The following CAMTA1 variants were observed in gnomAD, a reference collection of about 807,000 sequenced individuals.
CAMTA1 encodes calmodulin-binding transcription activator 1.
Under a neutral mutation model 170.9 loss-of-function variants are expected in CAMTA1, and 27 were observed. That is an observed-to-expected ratio of 0.16 (90% CI 0.12 to 0.22). The LOEUF is 0.22. Among genes scored for constraint, CAMTA1 ranks in the 10% least tolerant of loss-of-function variants. The pLI is 1.00. For synonymous variants in CAMTA1, 833 were observed against 891.5 expected (o/e 0.93, Z 1.17); for missense variants, 1,619 against 2,217.2 (o/e 0.73, Z 5.42).
chr1:7,590,018 G>T (rs1056527561), intron 6 of CAMTA1, among the ~76,000 whole-genome samples: 2 of 152,166 alleles, frequency 1.3e-5, no homozygotes, highest in African/African-American at 2.4e-5. Flanking sequence ...TGGTACGATC[G>T]CATGGAGCTT....
intron 5 of CAMTA1, among the ~76,000 whole-genome samples, chr1:7,398,793 A>C (rs1463009799): frequency 1.3e-5 from 2 of 150,028 alleles, no homozygotes; most frequent in Admixed American, 1.3e-4. Flanking sequence ...TCTCTTTTTC[A>C]TTTGTGTATC....
intron 11 of CAMTA1, among the ~76,000 whole-genome samples, chr1:7,713,589 C>T (rs1196169634): frequency 6.6e-6 from 1 of 152,184 alleles, no homozygotes; most frequent in East Asian, 1.9e-4. Context: ...CCTAGTATTT[C>T]CAAAACATCT....
intron 3 of CAMTA1, among the ~76,000 whole-genome samples, chr1:7,004,367 T>C (rs1238626216): frequency 6.6e-6 from 1 of 152,198 alleles, no homozygotes; most frequent in Admixed American, 6.5e-5. Context: ...GAAAGTGGGT[T>C]ATGAAGAGGA....
At position 7,471,508 on chromosome 1, in the gene CAMTA1, G is replaced by T. The variant is rs1285411247; in HGVS notation, c.510+3607G>T. On this transcript the variant is annotated intron_variant, in intron 6 of 22. Transcript: ENST00000303635. ...GGTGGCACCCATCCTCAGCATTGCT[G>T]GGGGCTCTGTGTCACAGCTGACAGG... 3.3e-5 allele frequency among the ~76,000 whole-genome samples: 5 copies of T among 152,238 alleles called. 1 individual carries two copies. In the South Asian group the frequency reaches 1.0e-3, roughly 32 times the overall value.
rs1679933928 is a variant in CAMTA1, at chr1:6,912,473, G to A, written c.234+87263G>A. On this transcript the variant is annotated intron_variant, in intron 3 of 22. Coordinates refer to ENST00000303635, the MANE Select transcript of CAMTA1 (RefSeq NM_015215.4). ...CTCCTGGGGACCACTCTATCCTCTG[G>A]ATTTTAGTCTGTCTTTACATAAAGA... Among the ~76,000 whole-genome samples, 5 of 152,312 alleles carry A rather than the reference G, an allele frequency of 3.3e-5. No individual in the cohort carries two copies. The South Asian group carries it at 1.0e-3, about 32-fold the overall frequency.
intron 3 of CAMTA1, among the ~76,000 whole-genome samples, chr1:7,087,625 G>A (rs1640918813): frequency 6.6e-6 from 1 of 152,186 alleles, no homozygotes; most frequent in African/African-American, 2.4e-5. Flanking sequence ...TTTGGGTTCT[G>A]GTTCTACAGG....
At chr1:7,358,539 T>TGCCCC (rs148148276) in intron 5 of CAMTA1, among the ~76,000 whole-genome samples, 28,642 of 151,988 alleles carry the variant, frequency 0.19, 3,282 homozygotes, top group East Asian at 0.5. Context: ...CGTCCCTGCA[T>TGCCCC]GCCCCGCGCC....
At chr1:7,523,757 C>T (rs1422131940) in intron 6 of CAMTA1, among the ~76,000 whole-genome samples, 9 of 151,918 alleles carry the variant, frequency 5.9e-5, no homozygotes, top group Admixed American at 5.2e-4. Context: ...GTAGTGGGCA[C>T]CTGTAGTCCC....
chr1:7,165,116 C>T (rs1219636489), intron 4 of CAMTA1, among the ~76,000 whole-genome samples: 2 of 152,110 alleles, frequency 1.3e-5, no homozygotes. Context: ...TGAAACTGGC[C>T]AAATCACTTC....
chr1:7,596,421 T>C (rs1576307101), intron 6 of CAMTA1, among the ~76,000 whole-genome samples: 1 of 152,178 alleles, frequency 6.6e-6, no homozygotes, highest in African/African-American at 2.4e-5. Flanking sequence ...CCAGCATTTC[T>C]CCCACCCCCA....
Position 7,112,631 on chromosome 1 carries a change from G to A in CAMTA1, c.302+21260G>A, listed in dbSNP as rs529901696. Among the ~76,000 whole-genome samples, 19 of 152,308 alleles carry A rather than the reference G, an allele frequency of 1.2e-4. No individual in the cohort carries two copies. In the South Asian group the frequency reaches 3.5e-3, roughly 28 times the overall value. On this transcript the variant is annotated intron_variant, in intron 4 of 22. Coordinates refer to ENST00000303635, the MANE Select transcript of CAMTA1 (RefSeq NM_015215.4). Reference sequence around the variant, plus strand: ...TAAGCCTTGAGGCCTCCTCCCTCCCGCTGTGTGTCCCTCTCCCTTTGTAGG... The same window carrying A: ...TAAGCCTTGAGGCCTCCTCCCTCCCACTGTGTGTCCCTCTCCCTTTGTAGG...
chr1:7,704,202 G>A (rs2096477603), intron 11 of CAMTA1, among the ~76,000 whole-genome samples: 1 of 147,898 alleles, frequency 6.8e-6, no homozygotes, highest in African/African-American at 2.4e-5. Context: ...GGGAGCCCGA[G>A]CCCGGGAACG....
At chr1:6,867,155 C>T (rs1157947158) in intron 3 of CAMTA1, among the ~76,000 whole-genome samples, 1 of 152,216 alleles carries the variant, frequency 6.6e-6, no homozygotes, top group African/African-American at 2.4e-5. Flanking sequence ...CATTACCATA[C>T]TATGATAATG....
intron 5 of CAMTA1, among the ~76,000 whole-genome samples, chr1:7,354,150 CTT>C (rs565138164): frequency 2.6e-4 from 36 of 140,372 alleles, no homozygotes; most frequent in Non-Finnish European, 2.2e-4. Context: ...TTCTTTTTCT[CTT>C]TTTTTTTTTT....
rs569986344 is a variant in CAMTA1, at chr1:7,494,438, G to A, written c.510+26537G>A. 9.2e-5 allele frequency among the ~76,000 whole-genome samples: 14 copies of A among 152,240 alleles called. No homozygotes were observed. The South Asian group carries it at 1.5e-3, about 16-fold the overall frequency. ...GCTGAGGCATGGAGGGGCTCTGGCCGTCTCCGGGGAGTTGAAACCATGAGC... is the reference window on the plus strand; with the variant it reads ...GCTGAGGCATGGAGGGGCTCTGGCCATCTCCGGGGAGTTGAAACCATGAGC... On this transcript the variant is annotated intron_variant, in intron 6 of 22. Coordinates refer to ENST00000303635, the MANE Select transcript of CAMTA1 (RefSeq NM_015215.4).
At chr1:7,211,568 G>T (rs1313211891) in intron 4 of CAMTA1, among the ~76,000 whole-genome samples, 1 of 152,194 alleles carries the variant, frequency 6.6e-6, no homozygotes, top group Admixed American at 6.5e-5. Context: ...CCGTGTTGTT[G>T]TTATCAGTGG....
At chr1:6,928,477 G>A (rs1039765612) in intron 3 of CAMTA1, among the ~76,000 whole-genome samples, 66 of 152,256 alleles carry the variant, frequency 4.3e-4, no homozygotes, top group African/African-American at 1.5e-3. Context: ...AGGTGCTTCT[G>A]CTGTTCTAGC....
At chr1:7,766,309 A>G (rs183318398) in intron 22 of CAMTA1, 150 bp from the exon 23 acceptor site, 195 of 628,506 alleles carry the variant, frequency 3.1e-4, no homozygotes, top group African/African-American at 2.6e-3. Flanking sequence ...TTCCCCAACA[A>G]TTTCACAGGA....
At chr1:7,438,077 G>A (rs2092403693) in intron 5 of CAMTA1, among the ~76,000 whole-genome samples, 1 of 152,312 alleles carries the variant, frequency 6.6e-6, no homozygotes, top group East Asian at 1.9e-4. Flanking sequence ...AACCCAAGAA[G>A]AACACCTCAG....
Sources: gnomAD v4.1 joint callset for allele counts (sites outside exome capture counted in the v4.1 genomes callset) on GRCh38, gnomAD v4.1.1 for gene constraint, MANE v1.5 for transcripts, NCBI Gene and HGNC (gene_info 2026-07-23, HGNC 2026-07-21) for gene names.